Variants in MTFR1 observed in about 807,000 individuals in gnomAD.
MTFR1 encodes the protein chondrocyte protein with a poly-proline region.
In MTFR1, 28 loss-of-function variants were observed where a neutral mutation model predicts 38.8. The ratio of observed to expected loss-of-function variants is 0.72; its 90% CI spans 0.53 to 0.99. The LOEUF (loss-of-function observed/expected upper bound fraction) is 0.99, where lower values mean the gene tolerates loss of function less well. Among genes scored for constraint, MTFR1 ranks in the 50% least tolerant of loss-of-function variants. MTFR1 has a pLI of 0.00. For synonymous variants in MTFR1, 145 were observed against 137.0 expected (o/e 1.06, Z -0.41); for missense variants, 358 against 395.5 (o/e 0.91, Z 0.81).
chr8:65,755,024 ATTT>A (rs113923652), intron 3 of MTFR1, among the ~76,000 whole-genome samples: 2 of 136,810 alleles, frequency 1.5e-5, no homozygotes, highest in Non-Finnish European at 1.6e-5. Context: ...TTTTTCACTT[ATTT>A]TTTTTTTTTT....
In MTFR1 at chr8:65,719,006, A is replaced by G. The variant is rs116728809; in HGVS notation, c.382-374A>G. On this transcript the variant is annotated intron_variant, in intron 2 of 3. Coordinates refer to the MTFR1 transcript ENST00000521247. ...AGATGCTTTGAAAAAGTCGTGGCAC[A>G]TATCAAAACTTCCTTTGTTACTCCT... 2.7e-3 allele frequency: 1,196 copies of G among 448,848 alleles called. 12 individuals carry two copies. The highest frequency in any genetic ancestry group is 0.022 in the African/African-American group (1,125 of 51,188). 27.8% of individuals were successfully genotyped at this position (448,848 alleles called of 1,614,324 possible).
At chr8:65,659,991 TA>T (rs1330779673) in intron 1 of MTFR1, among the ~76,000 whole-genome samples, 1 of 152,046 alleles carries the variant, frequency 6.6e-6, no homozygotes, top group East Asian at 1.9e-4. Context: ...AATAATAATT[TA>T]AAAAAACCAT....
At chr8:65,751,742 G>A (rs188045436) in intron 3 of MTFR1, among the ~76,000 whole-genome samples, 4,417 of 152,224 alleles carry the variant, frequency 0.029, 93 homozygotes, top group Non-Finnish European at 0.046. Context: ...TCTGCCTGCC[G>A]CGGCCTCCCA....
chr8:65,655,821 C>T (rs933371944), intron 1 of MTFR1, among the ~76,000 whole-genome samples: 4 of 149,602 alleles, frequency 2.7e-5, no homozygotes, highest in African/African-American at 1.0e-4. Context: ...TGGTGGTGCG[C>T]ACCTGTAATC....
chr8:65,741,530 G>C (rs1807436246), intron 3 of MTFR1, among the ~76,000 whole-genome samples: 1 of 152,140 alleles, frequency 6.6e-6, no homozygotes. Context: ...GGCCAAAAGA[G>C]ACTATTTTTA....
chr8:65,777,078 T>C, the MTFR1 span, among the ~76,000 whole-genome samples: 10 of 44,704 alleles, frequency 2.2e-4, no homozygotes, highest in African/African-American at 3.5e-3. Context: ...TATCAAATGC[T>C]TTTTTTTTTT....
intron 3 of MTFR1, among the ~76,000 whole-genome samples, chr8:65,769,095 A>T (rs1808944349): frequency 2.0e-5 from 3 of 152,090 alleles, no homozygotes; most frequent in South Asian, 4.2e-4. Flanking sequence ...TAAAAATACA[A>T]AAATTAGCCG....
intron 1 of MTFR1, among the ~76,000 whole-genome samples, chr8:65,665,519 T>C (rs1804356442): frequency 6.6e-6 from 1 of 152,224 alleles, no homozygotes; most frequent in Non-Finnish European, 1.5e-5. Context: ...ACTTCTGTCA[T>C]CTTAGACTCA....
At chr8:65,645,264 C>T (rs762653208) in intron 1 of MTFR1, among the ~76,000 whole-genome samples, 13 of 152,240 alleles carry the variant, frequency 8.5e-5, no homozygotes, top group Non-Finnish European at 1.9e-4. Flanking sequence ...GAGCAGTGCG[C>T]TGGCTGATCC....
intron 3 of MTFR1, among the ~76,000 whole-genome samples, chr8:65,728,870 A>G (rs1051390911): frequency 6.6e-6 from 1 of 152,252 alleles, no homozygotes; most frequent in African/African-American, 2.4e-5. Context: ...TATATTAAAG[A>G]GTTAACCATT....
chr8:65,692,742 T>C (rs1805317178), intron 3 of MTFR1, among the ~76,000 whole-genome samples: 1 of 152,064 alleles, frequency 6.6e-6, no homozygotes, highest in Non-Finnish European at 1.5e-5. Flanking sequence ...TCTTTAATGC[T>C]TTTACTTAAA....
downstream of MTFR1, chr8:65,710,674 A>G (rs1805918594): frequency 6.6e-6 from 1 of 152,086 alleles, no homozygotes; most frequent in Admixed American, 6.5e-5. Context: ...ATATTCCTTA[A>G]AATAAGCTCT....
chr8:65,725,626 A>G (rs1016696975), intron 3 of MTFR1: 2 of 152,206 alleles, frequency 1.3e-5, no homozygotes, highest in Non-Finnish European at 2.9e-5. Flanking sequence ...TTAATGGGCC[A>G]TAGCAAATAC....
At chr8:65,770,121 CTGTGTGTGTGTGTGTGTGTG>C (rs10608556) in intron 3 of MTFR1, among the ~76,000 whole-genome samples, 2,267 of 146,552 alleles carry the variant, frequency 0.015, 27 homozygotes, top group African/African-American at 0.026. Flanking sequence ...CAGTATACTT[CTGTGTGTGTGTGTGTGTGTG>C]TGTGTGTGTG....
At chr8:65,694,448 A>T (rs895065696) in intron 4 of MTFR1, among the ~76,000 whole-genome samples, 1 of 152,072 alleles carries the variant, frequency 6.6e-6, no homozygotes, top group African/African-American at 2.4e-5. Flanking sequence ...TCAAGACTTG[A>T]CTAGTATTTA....
intron 3 of MTFR1, among the ~76,000 whole-genome samples, chr8:65,733,661 G>A (rs1486576041): frequency 1.3e-5 from 2 of 152,070 alleles, no homozygotes; most frequent in Non-Finnish European, 2.9e-5. Flanking sequence ...GTATACATTT[G>A]TCAAAACCGT....
At chr8:65,707,736 A>G (rs1805826644) in intron 6 of MTFR1, 107 bp from the exon 7 acceptor site, 3 of 1,353,160 alleles carry the variant, frequency 2.2e-6, no homozygotes, top group Admixed American at 4.6e-5. Flanking sequence ...TCTATGGAGT[A>G]GCTATGATGC....
intron 4 of MTFR1, among the ~76,000 whole-genome samples, chr8:65,699,015 A>C (rs538647893): frequency 3.5e-4 from 53 of 152,186 alleles, no homozygotes; most frequent in Non-Finnish European, 6.6e-4. Context: ...GGTGTGAGCT[A>C]CTGCGCCCAG....
chr8:65,686,846 C>A (rs1407177581), intron 3 of MTFR1, among the ~76,000 whole-genome samples: 1 of 146,814 alleles, frequency 6.8e-6, no homozygotes, highest in East Asian at 1.9e-4. Context: ...ATTGCCTGAA[C>A]CCGGGAACTG....
Sources: gnomAD v4.1 joint callset for allele counts (sites outside exome capture counted in the v4.1 genomes callset) on GRCh38, gnomAD v4.1.1 for gene constraint, MANE v1.5 for transcripts, NCBI Gene and HGNC (gene_info 2026-07-23, HGNC 2026-07-21) for gene names.